ACADM: variants seen among roughly 807,000 people sequenced by gnomAD.
ACADM encodes medium-chain specific acyl-CoA dehydrogenase, mitochondrial.
In ACADM, 49 loss-of-function variants were observed where a neutral mutation model predicts 58.9. The observed-to-expected ratio is 0.83, with a 90% CI of 0.66 to 1.06. The LOEUF is 1.06. Ranked by LOEUF, ACADM falls within the 50% of genes least tolerant of loss-of-function variation. ACADM has a pLI of 0.00. For missense variants in ACADM, 496 were observed against 507.0 expected (o/e 0.98, Z 0.21); for synonymous variants, 160 against 157.7 (o/e 1.01, Z -0.11).
intron 6 of ACADM, among the ~76,000 whole-genome samples, chr1:75,738,817 G>A (rs7516477): frequency 6.6e-6 from 1 of 151,596 alleles, no homozygotes; most frequent in Admixed American, 6.6e-5. Flanking sequence ...CCACAGTACC[G>A]GCCACTCTTG....
At chr1:75,738,492 G>T (rs763350488) in intron 6 of ACADM, among the ~76,000 whole-genome samples, 2 of 152,060 alleles carry the variant, frequency 1.3e-5, no homozygotes, top group Non-Finnish European at 2.9e-5. Flanking sequence ...AAAGTGCTGG[G>T]ATTACAAACC....
At chr1:75,737,051 GT>G (rs764362467) in intron 6 of ACADM, among the ~76,000 whole-genome samples, 1 of 151,456 alleles carries the variant, frequency 6.6e-6, no homozygotes, top group Non-Finnish European at 1.5e-5. Flanking sequence ...ACTGTTGAAT[GT>G]TTAAACTCCT....
rs875989877 is a variant in ACADM at position 75,761,364 on chromosome 1, C to CT, written c.1189dup (p.Tyr397LeufsTer5). The CT allele has an allele frequency of 1.2e-6, 2 of 1,613,814 alleles. No homozygotes were observed. The highest frequency in any genetic ancestry group is 1.3e-5 in the African/African-American group (1 of 75,038). ...AAAAACTAATGAGGGATGCCAAAATCTATCAGGTAAGGTTAAAGATGATTT... is the reference window on the plus strand; with the variant it reads ...AAAAACTAATGAGGGATGCCAAAATCTTATCAGGTAAGGTTAAAGATGATTT... On this transcript the variant is annotated frameshift_variant, in exon 11 of 12. Transcript: ENST00000370841. LOFTEE classifies it high-confidence loss of function.
intron 2 of ACADM, among the ~76,000 whole-genome samples, chr1:75,730,621 A>C (rs1647132454): frequency 2.0e-5 from 3 of 149,664 alleles, no homozygotes; most frequent in African/African-American, 7.4e-5. Flanking sequence ...GGCTCCATGG[A>C]TTCTCTCGCC....
intron 10 of ACADM, among the ~76,000 whole-genome samples, chr1:75,751,493 C>CT (rs370953741): frequency 0.24 from 35,025 of 144,028 alleles, 4,364 homozygotes; most frequent in Non-Finnish European, 0.31. Flanking sequence ...AGGATCCTTG[C>CT]TTTTTTTTTT....
intron 2 of ACADM, among the ~76,000 whole-genome samples, chr1:75,731,236 G>A (rs111362113): frequency 3.8e-5 from 5 of 131,776 alleles, no homozygotes; most frequent in African/African-American, 8.7e-5. Context: ...CCTAGATTGC[G>A]CCACTGCACT....
intron 10 of ACADM, chr1:75,750,811 C>T (rs1311801060): frequency 4.8e-5 from 23 of 481,366 alleles, no homozygotes; most frequent in Non-Finnish European, 7.5e-5. Context: ...TGCAGTGGCA[C>T]AATCTCGGTT....
rs746136472 is a variant in ACADM at position 75,733,561 on chromosome 1, T to C, written c.320T>C (p.Leu107Ser). Residue 107 changes from leucine to serine, a missense_variant, in exon 5 of 12, where the codon TTA becomes TCA. Transcript: ENST00000370841. ...GLGLGTFDAC[L>S]ISEELAYGCT... is the part of the protein sequence containing the mutation. ...GGACTTGGAACTTTTGATGCTTGTT[T>C]AATTAGTGAAGAATTGGCTTATGGA... 24 of 1,614,008 alleles carry C rather than the reference T, an allele frequency of 1.5e-5. No homozygotes were observed. Among genetic ancestry groups the C allele is most frequent in the Non-Finnish European group, 1.9e-5 (23 of 1,179,978 alleles).
At chr1:75,730,833 T>C (rs1410490245) in intron 2 of ACADM, among the ~76,000 whole-genome samples, 1 of 152,172 alleles carries the variant, frequency 6.6e-6, no homozygotes, top group African/African-American at 2.4e-5. Context: ...AGACTTTCTC[T>C]ACCCTCTATC....
intron 8 of ACADM, among the ~76,000 whole-genome samples, chr1:75,746,862 G>A (rs1176720850): frequency 6.6e-6 from 1 of 152,228 alleles, no homozygotes; most frequent in Admixed American, 6.5e-5. Flanking sequence ...GCCCCCTAAA[G>A]TGCTGGGATT....
rs1158401241 is a variant in ACADM at position 75,732,928 on chromosome 1, C to T, written c.286+6C>T. 7.4e-6 allele frequency: 12 copies of T among 1,613,658 alleles called. No individual in the cohort carries two copies. The highest frequency in any genetic ancestry group is 1.0e-5 in the Non-Finnish European group (12 of 1,179,742). Reference sequence around the variant, plus strand: ...ACACATTCCAGAGAACTGTGGTAAGCTTTCTTTATATTTTTAATACTGGAA... The same window carrying T: ...ACACATTCCAGAGAACTGTGGTAAGTTTTCTTTATATTTTTAATACTGGAA... On this transcript the variant is annotated splice_donor_region_variant and intron_variant, in intron 4 of 11. Transcript: ENST00000370841.
At chr1:75,743,407 G>T (rs1294800613) in intron 7 of ACADM, 4 of 1,608,394 alleles carry the variant, frequency 2.5e-6, no homozygotes, top group Non-Finnish European at 3.4e-6. Context: ...TGTAGGGTGT[G>T]TGGGTTCCTC....
intron 10 of ACADM, among the ~76,000 whole-genome samples, chr1:75,755,314 A>G (rs1570900648): frequency 1.3e-5 from 2 of 152,338 alleles, no homozygotes; most frequent in South Asian, 2.1e-4. Context: ...TGCCTCCTCA[A>G]GTGGGTCCCT....
Position 75,762,802 on chromosome 1 carries a change from G to C in ACADM, c.*39G>C. On this transcript the variant is annotated 3_prime_UTR_variant, in exon 12 of 12. Coordinates refer to ENST00000370841, the MANE Select transcript of ACADM (RefSeq NM_000016.6). ...GAAATATTGAATAACTAGAACACAA[G>C]CCACTGTTTCAGCTCCAGAAAAAAG... 1 of 1,288,586 alleles carries C rather than the reference G, an allele frequency of 7.8e-7. No homozygotes were observed. The highest frequency in any genetic ancestry group is 1.1e-6 in the Non-Finnish European group (1 of 892,406). 79.8% of individuals were successfully genotyped at this position (1,288,586 alleles called of 1,614,324 possible).
rs56885972 is a variant in ACADM, at chr1:75,731,278, CAAAAAAAAAAAAAAA to C, written c.119-1353_119-1339del. ...TGGGCGACAGAGCGAGACTCCGTCT[CAAAAAAAAAAAAAAA>C]AAAAAAAAAAAAGAGATTTGATCTT... is the stretch of plus-strand genomic sequence containing the variant. On this transcript the variant is annotated intron_variant, in intron 2 of 11. Transcript: ENST00000370841. Among the ~76,000 whole-genome samples, 18 of 64,926 alleles carry C rather than the reference CAAAAAAAAAAAAAAA, an allele frequency of 2.8e-4. 1 individual carries two copies. The highest frequency in any genetic ancestry group is 1.3e-3 in the East Asian group (2 of 1,590). The allele number at this position is 64,926 out of a possible 152,430, so 42.6% of individuals were successfully genotyped here. A position where few individuals can be genotyped will look rare whatever the true frequency, so the allele number is the denominator to read the frequency against.
chr1:75,760,567 A>AAAAAAAAAAAAAAAAAAAAAC, intron 10 of ACADM, among the ~76,000 whole-genome samples: 1 of 140,884 alleles, frequency 7.1e-6, no homozygotes, highest in Non-Finnish European at 1.5e-5. Flanking sequence ...AAAAAAAAAA[A>AAAAAAAAAAAAAAAAAAAAAC]AAAAAAAAAA....
intron 2 of ACADM, among the ~76,000 whole-genome samples, chr1:75,729,914 A>C (rs1323498621): frequency 3.2e-5 from 1 of 30,990 alleles, no homozygotes; most frequent in African/African-American, 1.8e-4. Context: ...TTTTTTTTTG[A>C]GACTGAGTCT....
intron 2 of ACADM, among the ~76,000 whole-genome samples, chr1:75,731,699 T>G (rs1165803142): frequency 6.6e-6 from 1 of 152,186 alleles, no homozygotes; most frequent in Non-Finnish European, 1.5e-5. Context: ...TACCAGTTGC[T>G]TTGTGCTAAT....
chr1:75,740,181 T>C (rs1647490517), intron 7 of ACADM, 71 bp downstream of exon 7: 1 of 1,472,598 alleles, frequency 6.8e-7, no homozygotes, highest in East Asian at 2.4e-5. Flanking sequence ...TTTCTTTCTG[T>C]ATATTTTTAA....
Sources: gnomAD v4.1 joint callset for allele counts (sites outside exome capture counted in the v4.1 genomes callset) on GRCh38, gnomAD v4.1.1 for gene constraint, MANE v1.5 for transcripts, NCBI Gene and HGNC (gene_info 2026-07-23, HGNC 2026-07-21) for gene names.